The following MDC1 variants were observed in gnomAD, a reference collection of about 807,000 sequenced individuals.
The protein encoded by MDC1 is mediator of DNA damage checkpoint protein 1.
MDC1 carries 81 observed loss-of-function variants against 142.5 expected under a neutral mutation model. The ratio of observed to expected loss-of-function variants is 0.57; its 90% CI spans 0.47 to 0.68. The LOEUF is 0.68. Among genes scored for constraint, MDC1 ranks in the 30% least tolerant of loss-of-function variants. MDC1 has a pLI of 0.00. For missense variants in MDC1, 2,119 were observed against 2,547.9 expected, an observed-to-expected ratio of 0.83 and a Z score of 3.62; for synonymous variants, 797 against 968.4, an observed-to-expected ratio of 0.82 and a Z score of 3.29.
At position 30,700,600 on chromosome 6, in the gene MDC1, G is replaced by A; in HGVS notation, c.6135C>T (p.Asp2045=). 1.2e-6 allele frequency: 2 copies of A among 1,612,968 alleles called. No homozygotes were observed. Among genetic ancestry groups the A allele is most frequent in the Non-Finnish European group, 1.7e-6 (2 of 1,180,000 alleles). ...PQRVVITCPQ[D]FPHCSIPLRV... ...GTAGTGGAATGGAGCAATGAGGGAA[G>A]TCCTGAGGGCATGTGATCACAACTC... Residue 2045 remains aspartate (D), a synonymous_variant, in exon 15 of 15, where the codon GAC becomes GAT. Coordinates refer to ENST00000376406, the MANE Select transcript of MDC1 (RefSeq NM_014641.3).
At position 30,712,070 on chromosome 6, in the gene MDC1, C is replaced by A. The variant is rs780661697; in HGVS notation, c.1872G>T (p.Gly624=). The part of the protein sequence containing the change: ...VLKQERAHEV[G]AQGGPPVAQV... ...GTGCCACAGGTGGCCCACCCTGGGC[C>A]CCCACCTCATGAGCTCTCTCCTGCT... Residue 624 remains glycine, a synonymous_variant, in exon 5 of 15, where the codon GGG becomes GGT. Transcript: ENST00000376406. This position sits in a 1 kb window ranked among gnomAD's most constrained non-coding sequence, Gnocchi z 4.7. 6.3e-7 allele frequency: 1 copy of A among 1,590,670 alleles called. No individual in the cohort carries two copies. Among genetic ancestry groups the A allele is most frequent in the East Asian group, 2.2e-5 (1 of 44,718 alleles).
At position 30,715,801 on chromosome 6, in the gene MDC1, A is replaced by G. The variant is rs976754769; in HGVS notation, c.-3-623T>C. Among the ~76,000 whole-genome samples, 5 of 152,242 alleles carry G rather than the reference A, an allele frequency of 3.3e-5. No individual in the cohort carries two copies. Among genetic ancestry groups the G allele is most frequent in the African/African-American group, 1.2e-4 (5 of 41,464 alleles). On this transcript the variant is annotated intron_variant, in intron 1 of 14. Coordinates refer to ENST00000376406, the MANE Select transcript of MDC1 (RefSeq NM_014641.3). This position sits in a 1 kb window ranked among gnomAD's most constrained non-coding sequence, Gnocchi z 4.1. ...CTTTATATCGACTCTGACTCATTTA[A>G]TCTTCACAAGAACCTTGTAAAGTAG...
Position 30,704,521 on chromosome 6 carries a change from C to A in MDC1, c.4662G>T (p.Arg1554=). 2 of 1,611,556 alleles carry A rather than the reference C, an allele frequency of 1.2e-6. No homozygotes were observed. Among genetic ancestry groups the A allele is most frequent in the South Asian group, 1.1e-5 (1 of 90,820 alleles). ...ACCTATTTGTCCTGCCCCTAGTGGCCCGAGATGTGGGCTCAGGGGTGACAG... is the reference window on the plus strand; with the variant it reads ...ACCTATTTGTCCTGCCCCTAGTGGCACGAGATGTGGGCTCAGGGGTGACAG... The part of the protein sequence containing the change: ...DQPVTPEPTS[R]ATRGRTNRSS... The change falls in exon 10 of 15, where the codon CGG becomes CGT. Residue 1554 remains arginine, a synonymous_variant. Coordinates refer to ENST00000376406, the MANE Select transcript of MDC1 (RefSeq NM_014641.3).
rs779629495 is a variant in MDC1 at position 30,712,148 on chromosome 6, GCT to G, written c.1792_1793del (p.Ser598ProfsTer18). On this transcript the variant is annotated frameshift_variant, in exon 5 of 15. Transcript: ENST00000376406. LOFTEE classifies it high-confidence loss of function. The surrounding 1 kb of genome is among the most constrained non-coding windows in gnomAD (Gnocchi z 4.7). The part of the protein sequence containing the change: ...TASVVADVRK[S>X]QLPAEGDAGA... ...CAGCATCCCCTTCTGCTGGAAGCTG[GCT>G]CTTTCTTACATCTGCAACTACTGAG... 2.2e-5 allele frequency: 35 copies of G among 1,612,232 alleles called. No homozygotes were observed. In the East Asian group the frequency reaches 7.1e-4, roughly 33 times the overall value.
At chr6:30,708,870 A>T (rs1294073651) in intron 7 of MDC1, among the ~76,000 whole-genome samples, 1 of 151,474 alleles carries the variant, frequency 6.6e-6, no homozygotes, top group Non-Finnish European at 1.5e-5. Flanking sequence ...AAAAAAAAAA[A>T]AAAAAACCCA....
intron 7 of MDC1, among the ~76,000 whole-genome samples, chr6:30,710,427 C>T (rs1300065475): frequency 6.7e-6 from 1 of 150,032 alleles, no homozygotes; most frequent in Non-Finnish European, 1.5e-5. Flanking sequence ...GACAGAGTTT[C>T]ACTCTTGTTG....
Position 30,702,745 on chromosome 6 carries a change from C to T in MDC1, c.5991+7G>A. On this transcript the variant is annotated splice_region_variant and intron_variant, in intron 13 of 14. Transcript: ENST00000376406. ...GCTGAAGCACAGGTTAAAAGATAGC[C>T]TCTCACCTCTAGCAGCCTTCGCTCC... The T allele has an allele frequency of 6.2e-7, 1 of 1,613,070 alleles. No homozygotes were observed. Among genetic ancestry groups the T allele is most frequent in the Non-Finnish European group, 8.5e-7 (1 of 1,180,018 alleles).
Position 30,711,743 on chromosome 6 carries a change from A to G in MDC1, c.2069-17T>C. 1 of 1,607,808 alleles carries G rather than the reference A, an allele frequency of 6.2e-7. No homozygotes were observed. Among genetic ancestry groups the G allele is most frequent in the Non-Finnish European group, 8.5e-7 (1 of 1,177,432 alleles). On this transcript the variant is annotated splice_polypyrimidine_tract_variant and intron_variant, in intron 5 of 14. Transcript: ENST00000376406. ...CTTCAGAATCTGGTCGGGGAGGAAT[A>G]TAAGACAGTTTAAAACAAAAATCAT...
Position 30,709,863 on chromosome 6 carries a change from GT to G in MDC1, c.2222-1507del, listed in dbSNP as rs1439060877. Among the ~76,000 whole-genome samples, 1 of 151,978 alleles carries G rather than the reference GT, an allele frequency of 6.6e-6. No homozygotes were observed. Among genetic ancestry groups the G allele is most frequent in the Non-Finnish European group, 1.5e-5 (1 of 67,990 alleles). On this transcript the variant is annotated intron_variant, in intron 7 of 14. Coordinates refer to ENST00000376406, the MANE Select transcript of MDC1 (RefSeq NM_014641.3). This position sits in a 1 kb window ranked among gnomAD's most constrained non-coding sequence, Gnocchi z 4.2. ...TCATTCTCTTCTGTTGCTGAATACT[GT>G]TCCACTGTGTATATATACACATTTT...
chr6:30,706,330 C>T lies in MDC1; in HGVS notation c.3085-232G>A, dbSNP rs868541623. 3.5e-5 allele frequency among the ~76,000 whole-genome samples: 5 copies of T among 141,420 alleles called. No homozygotes were observed. The South Asian group carries it at 1.1e-3, about 32-fold the overall frequency. The allele number at this position is 141,420 out of a possible 152,430, so 92.8% of individuals were successfully genotyped here. On this transcript the variant is annotated intron_variant, in intron 9 of 14. Transcript: ENST00000376406. ...TGAAACCCCGTCTCTACTAAAAATA[C>T]AAAAAAAAAGGCCAGGCATGGTGGC...
intron 14 of MDC1, among the ~76,000 whole-genome samples, chr6:30,701,653 G>A (rs114675939): frequency 0.019 from 2,902 of 152,276 alleles, 40 homozygotes; most frequent in South Asian, 0.064. Flanking sequence ...GATAATAGGT[G>A]TGGCAGTATG....
At chr6:30,717,116 A>T (rs1306641253) in intron 1 of MDC1, 129 bp downstream of exon 1, 1 of 153,816 alleles carries the variant, frequency 6.5e-6, no homozygotes, top group Non-Finnish European at 1.4e-5. Flanking sequence ...GGTAAGGATG[A>T]GTATTACAGT....
At position 30,705,408 on chromosome 6, in the gene MDC1, G is replaced by C; in HGVS notation, c.3775C>G (p.Pro1259Ala). The part of the protein sequence containing the change: ...ELQPSTSTDQ[P>A]VTSEPTYQAT... ...TGATATGTGGGCTCAGAAGTGACAG[G>C]CTGGTCTGTGGAGGTGGAAGGCTGG... is the stretch of plus-strand genomic sequence containing the variant. The change falls in exon 10 of 15, where the codon CCT becomes GCT. Residue 1259 changes from proline to alanine, a missense_variant. By Grantham distance (27) the Pro-to-Ala change is conservative (BLOSUM62 -1). Transcript: ENST00000376406. 6.4e-7 allele frequency: 1 copy of C among 1,558,470 alleles called. No homozygotes were observed. The highest frequency in any genetic ancestry group is 8.7e-7 in the Non-Finnish European group (1 of 1,150,698).
rs1418505901 is a variant in MDC1 at position 30,700,243 on chromosome 6, C to CAAATA, written c.*217_*221dup. 7.0e-6 allele frequency: 3 copies of CAAATA among 430,072 alleles called. No homozygotes were observed. Among genetic ancestry groups the CAAATA allele is most frequent in the Non-Finnish European group, 1.2e-5 (3 of 244,860 alleles). 26.6% of individuals were successfully genotyped at this position (430,072 alleles called of 1,614,324 possible). On this transcript the variant is annotated 3_prime_UTR_variant, in exon 15 of 15. Coordinates refer to ENST00000376406, the MANE Select transcript of MDC1 (RefSeq NM_014641.3). ...CTATACAAATAAAAAACTATAAATA[C>CAAATA]AAATAAAATAAAATGGCCATTAAAA...
rs181009648 is a variant in MDC1 at position 30,700,753 on chromosome 6, C to G, written c.6103-121G>C. The G allele has an allele frequency of 9.1e-4, 879 of 969,964 alleles. 3 individuals are homozygous for G. In the African/African-American group the frequency reaches 0.013, roughly 15 times the overall value. 60.1% of individuals were successfully genotyped at this position (969,964 alleles called of 1,614,324 possible). The stretch of plus-strand genomic sequence containing the variant: ...CCTCCTAATATGAAGCCAAGTGAAG[C>G]ACACCGCATACTGTCTATGAAATAC... On this transcript the variant is annotated intron_variant, in intron 14 of 14. Transcript: ENST00000376406.
chr6:30,706,868 G>A (rs902822236), intron 9 of MDC1, among the ~76,000 whole-genome samples: 1 of 151,892 alleles, frequency 6.6e-6, no homozygotes, highest in Non-Finnish European at 1.5e-5. Context: ...GGGAGGCTGC[G>A]GCAGGAAAAT....
At position 30,708,980 on chromosome 6, in the gene MDC1, A is replaced by AAAAGAAAG. The variant is rs140751169; in HGVS notation, c.2222-631_2222-624dup. Among the ~76,000 whole-genome samples, 229 of 151,796 alleles carry AAAAGAAAG rather than the reference A, an allele frequency of 1.5e-3. 2 individuals are homozygous for AAAAGAAAG. Among genetic ancestry groups the AAAAGAAAG allele is most frequent in the African/African-American group, 4.5e-3 (186 of 41,300 alleles). On this transcript the variant is annotated intron_variant, in intron 7 of 14. Transcript: ENST00000376406. The stretch of plus-strand genomic sequence containing the variant: ...TGAGTGACAGAGACCCTGTCTCAAA[A>AAAAGAAAG]AAAGAAAGAAAGAAAGAAAGAAAGA...
rs1279291449 is a variant in MDC1, at chr6:30,704,080, T to C, written c.5103A>G (p.Gln1701=). 3 of 1,613,120 alleles carry C rather than the reference T, an allele frequency of 1.9e-6. No homozygotes were observed. Among genetic ancestry groups the C allele is most frequent in the Admixed American group, 1.7e-5 (1 of 59,906 alleles). ...AMPVPTTPEF[Q]SPVTTDQPIS... The stretch of plus-strand genomic sequence containing the variant: ...TAGGCTGGTCTGTGGTGACAGGAGA[T>C]TGGAATTCAGGGGTGGTAGGAACCG... The change falls in exon 10 of 15, where the codon CAA becomes CAG. Residue 1701 remains glutamine, a synonymous_variant. Transcript: ENST00000376406.
chr6:30,713,048 G>C lies in MDC1; in HGVS notation c.894C>G (p.Asp298Glu). 1 of 1,612,980 alleles carries C rather than the reference G, an allele frequency of 6.2e-7. No homozygotes were observed. The change falls in exon 5 of 15, where the codon GAC becomes GAG. Residue 298 changes from aspartate (D) to glutamate (E), a missense_variant. By Grantham distance (45) the Asp-to-Glu change is conservative (BLOSUM62 2). Transcript: ENST00000376406. The surrounding 1 kb of genome is among the most constrained non-coding windows in gnomAD (Gnocchi z 4.9). Reference protein sequence around the residue: ...ILERSQPPGEDSDTDVDDDSR... With the variant: ...ILERSQPPGEESDTDVDDDSR... ...TGTCATCATCCACATCTGTGTCACTGTCCTCTCCAGGAGGTTGGCTCCTCT... is the reference window on the plus strand; with the variant it reads ...TGTCATCATCCACATCTGTGTCACTCTCCTCTCCAGGAGGTTGGCTCCTCT...
Sources: allele counts gnomAD v4.1 joint callset (sites outside exome capture counted in the v4.1 genomes callset), GRCh38; gene constraint gnomAD v4.1.1; non-coding constraint Gnocchi (gnomAD v3.1); transcripts MANE v1.5; gene names NCBI Gene and HGNC (gene_info 2026-07-23, HGNC 2026-07-21).